PAK1: variants seen among roughly 807,000 people sequenced by gnomAD.
PAK1 encodes the protein serine/threonine-protein kinase PAK 1.
PAK1 carries 29 observed loss-of-function variants against 67.4 expected under a neutral mutation model. That is an observed-to-expected ratio of 0.43 (90% CI 0.32 to 0.59). The LOEUF is 0.59. Ranked by LOEUF, PAK1 falls within the 20% of genes least tolerant of loss-of-function variation. The probability of loss-of-function intolerance (pLI) is 0.07; values close to 1 mark genes in which losing one functional copy is unlikely to be tolerated. For missense variants in PAK1, 337 were observed against 670.7 expected (o/e 0.50, Z 5.50); for synonymous variants, 223 against 237.4 (o/e 0.94, Z 0.56).
chr11:77,520,051 G>C, the PAK1 span, among the ~76,000 whole-genome samples: 3 of 151,966 alleles, frequency 2.0e-5, no homozygotes, highest in Non-Finnish European at 4.4e-5. Context: ...TGCACATGTG[G>C]GCATGGTCAG....
At chr11:77,450,328 TAAAGCCAC>T (rs932498251) in intron 1 of PAK1, among the ~76,000 whole-genome samples, 3 of 151,860 alleles carry the variant, frequency 2.0e-5, no homozygotes, top group African/African-American at 7.3e-5. Flanking sequence ...TCTTGTGCAT[TAAAGCCAC>T]AAATACCACC....
chr11:77,501,479 C>T, the PAK1 span, among the ~76,000 whole-genome samples: 8 of 152,304 alleles, frequency 5.3e-5, no homozygotes, highest in East Asian at 1.4e-3. Context: ...TAATAAGCAA[C>T]AGCTTTCCCT....
chr11:77,498,945 C>T, the PAK1 span, among the ~76,000 whole-genome samples: 5 of 151,812 alleles, frequency 3.3e-5, no homozygotes, highest in Admixed American at 1.3e-4. Context: ...GTGATCCACC[C>T]GCCTTGGCCT....
At chr11:77,462,748 C>T (rs1957409296) in intron 1 of PAK1, among the ~76,000 whole-genome samples, 1 of 150,942 alleles carries the variant, frequency 6.6e-6, no homozygotes, top group Admixed American at 6.6e-5. Context: ...AGGAGAATTG[C>T]TTAAATCCGG....
Position 77,336,227 on chromosome 11 carries a change from C to T in PAK1, c.1272G>A (p.Met424Ile). The stretch of plus-strand genomic sequence containing the variant: ...GTGCCATCCAGTATGGGGTTCCTAC[C>T]ATGGTGCTCCGTTTGCTCTGCTCTG... ...ITPEQSKRST[M>I]VGTPYWMAPE... The change falls in exon 13 of 15, where the codon ATG becomes ATA. Residue 424 changes from methionine to isoleucine, a missense_variant. Met to Ile is a conservative substitution (Grantham distance 10). Coordinates refer to ENST00000356341, the MANE Select transcript of PAK1 (RefSeq NM_002576.5). The T allele has an allele frequency of 6.2e-7, 1 of 1,614,112 alleles. No individual in the cohort carries two copies.
chr11:77,470,772 T>C (rs1432699123), intron 1 of PAK1, among the ~76,000 whole-genome samples: 1 of 152,220 alleles, frequency 6.6e-6, no homozygotes, highest in African/African-American at 2.4e-5. Flanking sequence ...TATTTAGACT[T>C]GCAAAACCAA....
chr11:77,516,746 G>A, the PAK1 span, among the ~76,000 whole-genome samples: 3 of 149,134 alleles, frequency 2.0e-5, no homozygotes, highest in African/African-American at 7.4e-5. Context: ...GTTCATGCCT[G>A]TAACCTTAGC....
At chr11:77,521,398 G>A in the PAK1 span, among the ~76,000 whole-genome samples, 4 of 152,044 alleles carry the variant, frequency 2.6e-5, no homozygotes, top group Admixed American at 6.5e-5. Flanking sequence ...GCATGGTGGC[G>A]CATGCCTGTA....
At chr11:77,477,567 CAA>C (rs61075974), upstream of PAK1, among the ~76,000 whole-genome samples, 2 of 84,186 alleles carry the variant, frequency 2.4e-5, no homozygotes, top group Non-Finnish European at 2.0e-5. Context: ...ACCATCTCTA[CAA>C]AAAAAAAAAA....
At chr11:77,421,055 T>G (rs1266910966) in intron 1 of PAK1, among the ~76,000 whole-genome samples, 1 of 152,208 alleles carries the variant, frequency 6.6e-6, no homozygotes, top group Non-Finnish European at 1.5e-5. Flanking sequence ...GCTTAAAATC[T>G]TCCTGTGGCT....
chr11:77,343,261 C>T (rs487141), intron 10 of PAK1, among the ~76,000 whole-genome samples: 105,003 of 136,428 alleles, frequency 0.77, 37,468 homozygotes, highest in African/African-American at 0.86. Flanking sequence ...TGCAAGCTTA[C>T]GTAAAAAAAA....
chr11:77,420,244 G>A (rs1160021069), intron 1 of PAK1, among the ~76,000 whole-genome samples: 3 of 152,080 alleles, frequency 2.0e-5, no homozygotes, highest in Non-Finnish European at 4.4e-5. Flanking sequence ...AAGTATGAAC[G>A]GTTTAGGAAA....
chr11:77,516,482 TTAGAA>T, the PAK1 span, among the ~76,000 whole-genome samples: 2 of 152,196 alleles, frequency 1.3e-5, no homozygotes, highest in Non-Finnish European at 2.9e-5. Context: ...TGTAAAATGT[TTAGAA>T]TAGTACTTAG....
At chr11:77,487,495 G>A in the PAK1 span, among the ~76,000 whole-genome samples, 1 of 151,876 alleles carries the variant, frequency 6.6e-6, no homozygotes, top group Non-Finnish European at 1.5e-5. Flanking sequence ...CACCAAGCAG[G>A]CTCTTGGGGT....
chr11:77,391,535 A>G (rs1176441280), intron 2 of PAK1, among the ~76,000 whole-genome samples: 1 of 152,354 alleles, frequency 6.6e-6, no homozygotes, highest in South Asian at 2.1e-4. Context: ...TTAGCATGCC[A>G]TAAGAACAGG....
intron 1 of PAK1, among the ~76,000 whole-genome samples, chr11:77,416,362 G>T (rs1294286384): frequency 2.0e-5 from 3 of 152,102 alleles, no homozygotes; most frequent in Non-Finnish European, 4.4e-5. Context: ...ACAAGGTCAG[G>T]ACTGTCAACA....
intron 1 of PAK1, among the ~76,000 whole-genome samples, chr11:77,438,141 C>T (rs1565703216): frequency 6.6e-6 from 1 of 152,148 alleles, no homozygotes; most frequent in Non-Finnish European, 1.5e-5. Flanking sequence ...ACCTGTCCTT[C>T]TGGGGAAGCC....
chr11:77,489,378 C>T, the PAK1 span, among the ~76,000 whole-genome samples: 1 of 148,928 alleles, frequency 6.7e-6, no homozygotes, highest in East Asian at 1.9e-4. Context: ...TCTCTCCTAT[C>T]TCCCCTCCCT....
At chr11:77,330,233 C>G (rs1322618869) in intron 14 of PAK1, among the ~76,000 whole-genome samples, 1 of 152,058 alleles carries the variant, frequency 6.6e-6, no homozygotes, top group Non-Finnish European at 1.5e-5. Flanking sequence ...AGATTCAATG[C>G]CATCCCCATC....
Sources: allele counts gnomAD v4.1 joint callset (sites outside exome capture counted in the v4.1 genomes callset), GRCh38; gene constraint gnomAD v4.1.1; transcripts MANE v1.5; gene names NCBI Gene and HGNC (gene_info 2026-07-23, HGNC 2026-07-21).